NDUFAB1: variants seen among roughly 807,000 people sequenced by gnomAD.
NDUFAB1 encodes the protein NADH:ubiquinone oxidoreductase subunit AB1.
Under a neutral mutation model 16.1 loss-of-function variants are expected in NDUFAB1, and 5 were observed. The observed-to-expected ratio is 0.31, with a 90% CI of 0.16 to 0.65. The LOEUF is 0.65. NDUFAB1 is among the 30% of genes least tolerant of loss of function. The pLI, the probability that NDUFAB1 is intolerant of heterozygous loss-of-function variation, is 0.77. For missense variants in NDUFAB1, 187 were observed against 205.3 expected, an observed-to-expected ratio of 0.91 and a Z score of 0.54; for synonymous variants, 85 against 78.4, an observed-to-expected ratio of 1.08 and a Z score of -0.44.
At chr16:23,593,508 C>G (rs1966296552) in intron 1 of NDUFAB1, among the ~76,000 whole-genome samples, 1 of 152,198 alleles carries the variant, frequency 6.6e-6, no homozygotes, top group Non-Finnish European at 1.5e-5. Flanking sequence ...TTTGAATGAA[C>G]TTAGTCAAAA....
intron 1 of NDUFAB1, chr16:23,595,402 A>G (rs538332546): frequency 3.0e-5 from 11 of 369,992 alleles, no homozygotes; most frequent in South Asian, 2.2e-4. Context: ...AGGACCCCCG[A>G]CTATACCCAA....
At chr16:23,582,254 A>T in intron 4 of NDUFAB1, 22 bp downstream of exon 4, 2 of 1,446,154 alleles carry the variant, frequency 1.4e-6, no homozygotes, top group East Asian at 2.6e-5. Flanking sequence ...ATGGGTGAAC[A>T]TCATTTTTTA....
At position 23,593,352 on chromosome 16, in the gene NDUFAB1, ACAG is replaced by A. The variant is rs933391605; in HGVS notation, c.168+2768_168+2770del. 8.5e-5 allele frequency among the ~76,000 whole-genome samples: 13 copies of A among 152,330 alleles called. 1 individual carries two copies. Among genetic ancestry groups the A allele is most frequent in the African/African-American group, 3.1e-4 (13 of 41,578 alleles). On this transcript the variant is annotated intron_variant, in intron 1 of 4. Transcript: ENST00000007516. ...GTGTCACAACAGCCTAGGGAAGAAG[ACAG>A]CAGCAGAGAAGGAGCCAGCAAGTTG...
chr16:23,584,439 T>G (rs1454546197), intron 3 of NDUFAB1, among the ~76,000 whole-genome samples: 4 of 151,478 alleles, frequency 2.6e-5, no homozygotes, highest in Admixed American at 1.3e-4. Flanking sequence ...TTCTCAAGGT[T>G]CGTGTGCTGT....
chr16:23,592,049 AAGT>A (rs1966284743), intron 1 of NDUFAB1, among the ~76,000 whole-genome samples: 1 of 152,354 alleles, frequency 6.6e-6, no homozygotes, highest in South Asian at 2.1e-4. Flanking sequence ...ACCATGACAG[AAGT>A]ATCTGTAGGC....
rs769448409 is a variant in NDUFAB1, at chr16:23,596,185, G to C, written c.106C>G (p.Leu36Val). ...LAVARPLSTA[L>V]CSAGTQTRLG... ...CTCGTCTGGGTCCCCGCGGAGCAGA[G>C]AGCGGTGCTGAGAGGCCGGGCCACG... The change falls in exon 1 of 5, where the codon CTC (leucine) becomes GTC (valine). Residue 36 changes from leucine to valine, a missense_variant. Physicochemically the swap from Leu to Val is conservative, Grantham distance 32. Around this residue, in one of 3 missense-constraint regions of NDUFAB1, gnomAD observed 135 missense variants for 129.4 expected, o/e 1.04. Transcript: ENST00000007516. The C allele has an allele frequency of 3.2e-5, 52 of 1,611,048 alleles. No homozygotes were observed. The highest frequency in any genetic ancestry group is 8.3e-5 in the Admixed American group (5 of 59,908).
chr16:23,595,363 G>A, intron 1 of NDUFAB1: 1 of 354,472 alleles, frequency 2.8e-6, no homozygotes, highest in Non-Finnish European at 5.6e-6. Context: ...AGGTACAGTC[G>A]TTCCTTGGTA....
At chr16:23,595,532 A>T (rs1054563752) in intron 1 of NDUFAB1, 4 of 454,872 alleles carry the variant, frequency 8.8e-6, no homozygotes, top group Non-Finnish European at 1.3e-5. Flanking sequence ...GTTGAAAAAA[A>T]ATCCGCATAT....
intron 1 of NDUFAB1, among the ~76,000 whole-genome samples, chr16:23,593,893 TTTA>T (rs1286877377): frequency 6.8e-6 from 1 of 147,834 alleles, no homozygotes; most frequent in Non-Finnish European, 1.5e-5. Flanking sequence ...TATTTATTTA[TTTA>T]TTGAGATGGA....
At chr16:23,589,997 C>T (rs1012750978) in intron 1 of NDUFAB1, among the ~76,000 whole-genome samples, 12 of 149,930 alleles carry the variant, frequency 8.0e-5, no homozygotes, top group Non-Finnish European at 1.6e-4. Context: ...TGGTGGCTCA[C>T]GCCTGTAATC....
intron 2 of NDUFAB1, 79 bp downstream of exon 2, chr16:23,587,118 T>C: frequency 7.0e-7 from 1 of 1,418,660 alleles, no homozygotes; most frequent in Non-Finnish European, 9.7e-7. Flanking sequence ...TTTTACTGAG[T>C]ATCTTTCCCT....
intron 3 of NDUFAB1, among the ~76,000 whole-genome samples, chr16:23,585,068 C>G (rs1256763485): frequency 6.6e-6 from 1 of 152,150 alleles, no homozygotes; most frequent in African/African-American, 2.4e-5. Flanking sequence ...AGAATCAGTC[C>G]CCTGGAACCA....
intron 1 of NDUFAB1, among the ~76,000 whole-genome samples, chr16:23,591,494 C>A (rs1019297518): frequency 1.3e-5 from 2 of 152,218 alleles, no homozygotes; most frequent in Non-Finnish European, 2.9e-5. Flanking sequence ...CAGCCCAGAC[C>A]TCTCAAACTC....
At chr16:23,581,685 T>G in intron 4 of NDUFAB1, among the ~76,000 whole-genome samples, 1 of 152,152 alleles carries the variant, frequency 6.6e-6, no homozygotes, top group East Asian at 1.9e-4. Flanking sequence ...GAGGCTTCTT[T>G]ACATCATTAT....
intron 1 of NDUFAB1, among the ~76,000 whole-genome samples, chr16:23,594,493 C>CA (rs1966306206): frequency 6.6e-6 from 1 of 151,980 alleles, no homozygotes; most frequent in Non-Finnish European, 1.5e-5. Context: ...GCTGGGACTA[C>CA]AGGCGCGTGC....
chr16:23,592,006 G>C (rs1966284383), intron 1 of NDUFAB1, among the ~76,000 whole-genome samples: 1 of 152,146 alleles, frequency 6.6e-6, no homozygotes. Flanking sequence ...CCAATCCACA[G>C]ATCATTTTAG....
chr16:23,586,741 C>T (rs773541796), intron 2 of NDUFAB1, among the ~76,000 whole-genome samples: 4 of 152,110 alleles, frequency 2.6e-5, no homozygotes, highest in Non-Finnish European at 1.5e-5. Flanking sequence ...CTCCACCTCC[C>T]GGGTTCAAGT....
Position 23,584,255 on chromosome 16 carries a change from TAAAAAA to T in NDUFAB1, c.379+1075_379+1080del, listed in dbSNP as rs58853102. On this transcript the variant is annotated intron_variant, in intron 3 of 4. Transcript: ENST00000007516. ...CGAGAAACACCCAAGAATGATCAATTAAAAAAAAAAAAAAAAAAAGAAACCCAGTGC... is the reference window on the plus strand; with the variant it reads ...CGAGAAACACCCAAGAATGATCAATTAAAAAAAAAAAAAGAAACCCAGTGC... 2.3e-4 allele frequency among the ~76,000 whole-genome samples: 8 copies of T among 34,052 alleles called. 2 individuals are homozygous for T. The South Asian group carries it at 3.4e-3, about 14-fold the overall frequency. The allele number at this position is 34,052 out of a possible 152,430, so 22.3% of individuals were successfully genotyped here. A position where few individuals can be genotyped will look rare whatever the true frequency, so the allele number is the denominator to read the frequency against.
chr16:23,582,460 C>A, intron 3 of NDUFAB1, 85 bp from the exon 4 acceptor site: 4 of 1,375,938 alleles, frequency 2.9e-6, no homozygotes, highest in Non-Finnish European at 3.7e-6. Flanking sequence ...TCTACAACAG[C>A]TACAAGTATA....
Sources: allele counts gnomAD v4.1 joint callset (sites outside exome capture counted in the v4.1 genomes callset), GRCh38; gene constraint gnomAD v4.1.1; regional missense constraint gnomAD v4.1.1; transcripts MANE v1.5; gene names NCBI Gene and HGNC (gene_info 2026-07-23, HGNC 2026-07-21).